Variants in MALT1 observed in about 807,000 individuals in gnomAD.
The protein encoded by MALT1 is mucosa-associated lymphoid tissue lymphoma translocation protein 1.
A neutral mutation model predicts 85.5 loss-of-function variants in MALT1; 36 were observed. That is an observed-to-expected ratio of 0.42 (90% confidence interval 0.32 to 0.56). The LOEUF is 0.56. Ranked by LOEUF, MALT1 falls within the 20% of genes least tolerant of loss-of-function variation. The pLI, the probability that MALT1 is intolerant of heterozygous loss-of-function variation, is 0.10. For missense variants in MALT1, 716 were observed against 981.6 expected, an observed-to-expected ratio of 0.73 and a Z score of 3.62; for synonymous variants, 359 against 361.3, an observed-to-expected ratio of 0.99 and a Z score of 0.07.
chr18:58,678,524 A>G (rs538752685), intron 1 of MALT1, among the ~76,000 whole-genome samples: 7 of 152,264 alleles, frequency 4.6e-5, no homozygotes, highest in African/African-American at 1.7e-4. Flanking sequence ...GGAGTTTACT[A>G]TAATCTAGTT....
intron 9 of MALT1, among the ~76,000 whole-genome samples, chr18:58,722,002 C>T (rs767343664): frequency 7.2e-5 from 11 of 152,140 alleles, no homozygotes; most frequent in Non-Finnish European, 8.8e-5. Context: ...GTCACTGCTG[C>T]TACTATTACG....
intron 7 of MALT1, among the ~76,000 whole-genome samples, chr18:58,713,163 CAT>C (rs2054854399): frequency 6.6e-6 from 1 of 151,974 alleles, no homozygotes; most frequent in South Asian, 2.1e-4. Context: ...TTTTATGTAA[CAT>C]ATAAGAATAA....
chr18:58,690,461 TC>T, intron 2 of MALT1: 1 of 164,776 alleles, frequency 6.1e-6, no homozygotes, highest in Middle Eastern at 7.8e-4. Context: ...GGGCATGCAC[TC>T]CATGTGGAAG....
At position 58,747,337 on chromosome 18, in the gene MALT1, G is replaced by C. The variant is rs566541983; in HGVS notation, c.2038-68G>C. Reference sequence around the variant, plus strand: ...TTTGGGGGTGGGGGTGTGTATGTGTGAATATTTTCAGATTGATATATATTC... The same window carrying C: ...TTTGGGGGTGGGGGTGTGTATGTGTCAATATTTTCAGATTGATATATATTC... On this transcript the variant is annotated intron_variant, in intron 16 of 16. Transcript: ENST00000649217. 13 of 1,032,926 alleles carry C rather than the reference G, an allele frequency of 1.3e-5. No individual in the cohort carries two copies. The East Asian group carries it at 2.9e-4, about 23-fold the overall frequency. 64.0% of individuals were successfully genotyped at this position (1,032,926 alleles called of 1,614,324 possible).
rs771582679 is a variant in MALT1, at chr18:58,745,706, C to T, written c.1952C>T (p.Pro651Leu). Residue 651 changes from proline (P) to leucine (L), a missense_variant, in exon 16 of 17, where the codon CCT (proline) becomes CTT (leucine). Pro to Leu is a moderately conservative substitution (Grantham distance 98). Around this residue, in one of 4 missense-constraint regions of MALT1, gnomAD observed 260 missense variants for 323.7 expected, o/e 0.80. Coordinates refer to ENST00000649217, the MANE Select transcript of MALT1 (RefSeq NM_006785.4). ...CCAAAAGATGCAAATAAAGGCACAC[C>T]TGAAGAAACTGGCAGCTACTTGGTA... ...IDPKDANKGT[P>L]EETGSYLVSK... The T allele has an allele frequency of 5.0e-6, 8 of 1,613,520 alleles. No individual in the cohort carries two copies. The South Asian group carries it at 6.6e-5, about 13-fold the overall frequency.
chr18:58,730,351 TTC>T (rs1466469217), intron 10 of MALT1, among the ~76,000 whole-genome samples: 1 of 152,174 alleles, frequency 6.6e-6, no homozygotes, highest in Non-Finnish European at 1.5e-5. Context: ...CCAATCTATT[TTC>T]TGTTTCTGTG....
chr18:58,723,381 T>C, intron 10 of MALT1, 130 bp downstream of exon 10: 1 of 589,084 alleles, frequency 1.7e-6, no homozygotes, highest in African/African-American at 1.9e-5. Context: ...TTATTTTTCT[T>C]ATTAAGATGA....
chr18:58,749,430 C>T lies in MALT1; in HGVS notation c.*1588C>T, dbSNP rs1439052602. ...CATCCAGCTGGCCCCGGAGCCAGAGCTTCTTGTACTACACAGAATTGCCCC... is the reference window on the plus strand; with the variant it reads ...CATCCAGCTGGCCCCGGAGCCAGAGTTTCTTGTACTACACAGAATTGCCCC... On this transcript the variant is annotated 3_prime_UTR_variant, in exon 17 of 17. Coordinates refer to ENST00000649217, the MANE Select transcript of MALT1 (RefSeq NM_006785.4). 1 of 215,468 alleles carries T rather than the reference C, an allele frequency of 4.6e-6. No homozygotes were observed. The highest frequency in any genetic ancestry group is 9.3e-6 in the Non-Finnish European group (1 of 107,092). 13.3% of individuals were successfully genotyped at this position (215,468 alleles called of 1,614,324 possible).
At chr18:58,721,105 C>T (rs956023331) in intron 9 of MALT1, among the ~76,000 whole-genome samples, 1 of 152,162 alleles carries the variant, frequency 6.6e-6, no homozygotes, top group East Asian at 1.9e-4. Flanking sequence ...AAAGGCCAGG[C>T]GTGGTGGCTC....
chr18:58,675,071 A>C (rs1207730233), intron 1 of MALT1, among the ~76,000 whole-genome samples: 1 of 152,234 alleles, frequency 6.6e-6, no homozygotes, highest in Admixed American at 6.5e-5. Flanking sequence ...GGAATGTGCT[A>C]TAGTCAGACC....
intron 10 of MALT1, among the ~76,000 whole-genome samples, chr18:58,730,799 T>G (rs1245511577): frequency 6.6e-6 from 1 of 152,238 alleles, no homozygotes; most frequent in African/African-American, 2.4e-5. Context: ...CACTTGTTCT[T>G]GTCTGTCTTT....
At chr18:58,725,253 C>T (rs1012906413) in intron 10 of MALT1, among the ~76,000 whole-genome samples, 2 of 151,996 alleles carry the variant, frequency 1.3e-5, no homozygotes, top group African/African-American at 2.4e-5. Context: ...ACCCAGGAGG[C>T]AGAGGTTGCA....
rs1056111525 is a variant in MALT1, at chr18:58,752,410, G to T, written c.*4568G>T. ...TACTTTTATCTGTCAACTGATGTCA[G>T]CTACTCAATTTACACATTACTTTTG... is the stretch of plus-strand genomic sequence containing the variant. On this transcript the variant is annotated 3_prime_UTR_variant, in exon 17 of 17. Transcript: ENST00000649217. 6.6e-6 allele frequency: 1 copy of T among 152,096 alleles called. No homozygotes were observed. The highest frequency in any genetic ancestry group is 1.5e-5 in the Non-Finnish European group (1 of 68,020). The allele number at this position is 152,096 out of a possible 1,614,324, so 9.4% of individuals were successfully genotyped here.
At chr18:58,718,988 G>T (rs923944767) in intron 9 of MALT1, among the ~76,000 whole-genome samples, 9 of 152,268 alleles carry the variant, frequency 5.9e-5, no homozygotes, top group Middle Eastern at 3.4e-3. Flanking sequence ...TGAAATAGAT[G>T]GTGTGGGTGA....
At chr18:58,733,723 C>A in intron 11 of MALT1, 149 bp downstream of exon 11, 1 of 762,064 alleles carries the variant, frequency 1.3e-6, no homozygotes, top group Non-Finnish European at 2.0e-6. Flanking sequence ...GAGGAAAATA[C>A]ATTTACTCCA....
Position 58,723,241 on chromosome 18 carries a change from G to A in MALT1, c.1212G>A (p.Lys404=), listed in dbSNP as rs1454531748. The A allele has an allele frequency of 3.1e-6, 5 of 1,599,778 alleles. No individual in the cohort carries two copies. Among genetic ancestry groups the A allele is most frequent in the Non-Finnish European group, 4.3e-6 (5 of 1,167,454 alleles). The change falls in exon 10 of 17, where the codon AAG becomes AAA. Residue 404 remains lysine, a synonymous_variant. Transcript: ENST00000649217. ...ATGAGTTTTTACTCCTTTTAGACAA[G>A]GGAGTATATGGTAAGATATTTATAA... ...AVDEFLLLLD[K]GVYGLLYYAG... is the part of the protein sequence containing the mutation.
At chr18:58,742,042 T>G (rs1454019905) in intron 14 of MALT1, 28 bp downstream of exon 14, 2 of 1,460,678 alleles carry the variant, frequency 1.4e-6, no homozygotes, top group Non-Finnish European at 1.9e-6. Flanking sequence ...TTTTGTTAGA[T>G]CTACAATATA....
intron 1 of MALT1, among the ~76,000 whole-genome samples, chr18:58,673,164 TTGA>T (rs1166373240): frequency 1.3e-5 from 2 of 149,120 alleles, no homozygotes; most frequent in Non-Finnish European, 2.9e-5. Flanking sequence ...TAGTAAATAC[TTGA>T]TGAGAGGAAA....
chr18:58,727,527 T>G (rs1307648428), intron 10 of MALT1, among the ~76,000 whole-genome samples: 1 of 151,850 alleles, frequency 6.6e-6, no homozygotes, highest in Non-Finnish European at 1.5e-5. Flanking sequence ...ATGGTCTCGC[T>G]CTATCTCCTG....
Sources: gnomAD v4.1 joint callset for allele counts (sites outside exome capture counted in the v4.1 genomes callset) on GRCh38, gnomAD v4.1.1 for gene constraint, gnomAD v4.1.1 regional missense constraint, MANE v1.5 for transcripts, NCBI Gene and HGNC (gene_info 2026-07-23, HGNC 2026-07-21) for gene names.